The following FTCDNL1 variants were observed in gnomAD, a reference collection of about 807,000 sequenced individuals.
FTCDNL1 encodes the protein formiminotransferase N-terminal subdomain-containing protein.
FTCDNL1 carries 11 observed loss-of-function variants against 5.9 expected under a neutral mutation model. The ratio of observed to expected loss-of-function variants is 1.87; its 90% CI spans 1.18 to 3.10. The LOEUF is 3.10. Ranked by LOEUF, FTCDNL1 falls within the 30% of genes most tolerant of loss-of-function variation. The probability of loss-of-function intolerance (pLI) is 0.00; values close to 1 mark genes in which losing one functional copy is unlikely to be tolerated. For missense variants in FTCDNL1, 115 were observed against 65.5 expected (o/e 1.76, Z -2.61); for synonymous variants, 58 against 24.8 (o/e 2.34, Z -3.99).
chr2:199,703,587 T>C, the FTCDNL1 span, among the ~76,000 whole-genome samples: 6 of 152,168 alleles, frequency 3.9e-5, no homozygotes, highest in East Asian at 1.2e-3. Context: ...CACATTATAT[T>C]TCTACTGGAC....
At chr2:199,804,164 T>A (rs1462938551) in intron 3 of FTCDNL1, among the ~76,000 whole-genome samples, 1 of 152,180 alleles carries the variant, frequency 6.6e-6, no homozygotes. Flanking sequence ...TAACAATGGA[T>A]CCTAGCTAAA....
chr2:199,715,160 C>G, the FTCDNL1 span, among the ~76,000 whole-genome samples: 1 of 151,982 alleles, frequency 6.6e-6, no homozygotes, highest in Non-Finnish European at 1.5e-5. Context: ...TGCCTTCAGA[C>G]TTTTTGTAAT....
At chr2:199,776,093 T>C (rs1699054262) in intron 3 of FTCDNL1, among the ~76,000 whole-genome samples, 1 of 152,048 alleles carries the variant, frequency 6.6e-6, no homozygotes, top group Admixed American at 6.5e-5. Context: ...TTTGTATTTT[T>C]AGTAGAGATG....
chr2:199,681,456 C>T, the FTCDNL1 span, among the ~76,000 whole-genome samples: 1 of 151,270 alleles, frequency 6.6e-6, no homozygotes, highest in East Asian at 2.0e-4. Flanking sequence ...AACCCCATCT[C>T]CAAAAGAAAG....
chr2:199,832,123 T>C (rs142962388), intron 3 of FTCDNL1, among the ~76,000 whole-genome samples: 69 of 152,336 alleles, frequency 4.5e-4, no homozygotes, highest in Non-Finnish European at 4.9e-4. Context: ...ATATAACATA[T>C]AGTTTCATAG....
At chr2:199,774,655 ACT>A (rs369940248) in intron 3 of FTCDNL1, among the ~76,000 whole-genome samples, 1 of 151,828 alleles carries the variant, frequency 6.6e-6, no homozygotes, top group Non-Finnish European at 1.5e-5. Context: ...CCTTTCTAAG[ACT>A]CTCAACCAGG....
downstream of FTCDNL1, among the ~76,000 whole-genome samples, chr2:199,756,794 G>A (rs1222493290): frequency 6.6e-6 from 1 of 152,174 alleles, no homozygotes; most frequent in Admixed American, 6.5e-5. Flanking sequence ...TGCATCCAGG[G>A]TCAGCTGCAG....
chr2:199,848,891 G>A lies in FTCDNL1; in HGVS notation c.72C>T (p.Tyr24=), dbSNP rs1446015673. The A allele has an allele frequency of 1.4e-6, 1 of 702,290 alleles. No individual in the cohort carries two copies. Among genetic ancestry groups the A allele is most frequent in the Non-Finnish European group, 2.6e-6 (1 of 384,786 alleles). The allele number at this position is 702,290 out of a possible 1,614,324, so 43.5% of individuals were successfully genotyped here. A position where few individuals can be genotyped will look rare whatever the true frequency, so the allele number is the denominator to read the frequency against. Residue 24 remains tyrosine, a synonymous_variant, in exon 2 of 5, where the codon TAC becomes TAT. Coordinates refer to ENST00000420128, the MANE Select transcript of FTCDNL1 (RefSeq NM_001363886.2). ...LLNVSEAGRK[Y]IVENIAKAAL... ...CTGCTTTTGCTATGTTCTCAACAAT[G>A]TATTTTCTTCCGGCTTCTGAAACGT...
At chr2:199,741,267 C>A in the FTCDNL1 span, among the ~76,000 whole-genome samples, 7 of 152,062 alleles carry the variant, frequency 4.6e-5, no homozygotes, top group Non-Finnish European at 1.0e-4. Flanking sequence ...TAGAGTGAGA[C>A]CCTGTCTCTC....
chr2:199,754,495 G>A, the FTCDNL1 span, among the ~76,000 whole-genome samples: 2 of 152,148 alleles, frequency 1.3e-5, no homozygotes, highest in African/African-American at 4.8e-5. Context: ...TTAACACCAG[G>A]AGGCCACCAC....
intron 3 of FTCDNL1, among the ~76,000 whole-genome samples, chr2:199,797,315 C>A (rs1700221527): frequency 6.6e-6 from 1 of 152,122 alleles, no homozygotes; most frequent in African/African-American, 2.4e-5. Context: ...TATATTTATT[C>A]TAAGTAAGCA....
At chr2:199,734,458 G>A in the FTCDNL1 span, among the ~76,000 whole-genome samples, 14 of 152,298 alleles carry the variant, frequency 9.2e-5, no homozygotes, top group African/African-American at 3.1e-4. Context: ...TGATTTTATT[G>A]TAGGCAGGAT....
intron 3 of FTCDNL1, among the ~76,000 whole-genome samples, chr2:199,785,249 C>CTTTTTTTTTGTTTTTTT: frequency 1.3e-5 from 1 of 76,866 alleles, no homozygotes; most frequent in Non-Finnish European, 2.2e-5. Flanking sequence ...TTCCAAATTC[C>CTTTTTTTTTGTTTTTTT]TTTTTTTTTT....
chr2:199,708,701 A>G, the FTCDNL1 span, among the ~76,000 whole-genome samples: 1 of 152,126 alleles, frequency 6.6e-6, no homozygotes, highest in Non-Finnish European at 1.5e-5. Context: ...GCCTTCAACA[A>G]GGGTTTTCCA....
chr2:199,695,850 A>G, the FTCDNL1 span, among the ~76,000 whole-genome samples: 2 of 152,216 alleles, frequency 1.3e-5, no homozygotes, highest in African/African-American at 4.8e-5. Flanking sequence ...AAGGATCACC[A>G]TACTCCTCTA....
the FTCDNL1 span, among the ~76,000 whole-genome samples, chr2:199,691,680 C>T: frequency 1.6e-4 from 25 of 152,300 alleles, no homozygotes; most frequent in African/African-American, 5.3e-4. Context: ...CTGTTGTATA[C>T]TCTACTTTCA....
Position 199,840,709 on chromosome 2 carries a change from G to C in FTCDNL1, c.211+5366C>G, listed in dbSNP as rs550048044. 1.7e-3 allele frequency among the ~76,000 whole-genome samples: 252 copies of C among 152,140 alleles called. 2 individuals carry two copies. Among genetic ancestry groups the C allele is most frequent in the African/African-American group, 5.9e-3 (246 of 41,496 alleles). On this transcript the variant is annotated intron_variant, in intron 3 of 4. Transcript: ENST00000420128. Reference sequence around the variant, plus strand: ...GTGTGTGTATGGTAGGAGGTAAAGGGGGTTAGATAGGTACTTAGAATTTTT... The same window carrying C: ...GTGTGTGTATGGTAGGAGGTAAAGGCGGTTAGATAGGTACTTAGAATTTTT...
chr2:199,821,224 A>C (rs544820291), intron 3 of FTCDNL1, among the ~76,000 whole-genome samples: 10 of 151,608 alleles, frequency 6.6e-5, no homozygotes, highest in African/African-American at 2.2e-4. Flanking sequence ...ATCTTGGCTC[A>C]CCGCAAACTC....
the FTCDNL1 span, among the ~76,000 whole-genome samples, chr2:199,716,800 G>A: frequency 1.3e-5 from 2 of 152,142 alleles, no homozygotes; most frequent in Non-Finnish European, 2.9e-5. Flanking sequence ...AAAATTAGCA[G>A]TTTCCTGGAT....
Sources: allele counts gnomAD v4.1 joint callset (sites outside exome capture counted in the v4.1 genomes callset), GRCh38; gene constraint gnomAD v4.1.1; transcripts MANE v1.5; gene names NCBI Gene and HGNC (gene_info 2026-07-23, HGNC 2026-07-21).